Variants in RGS6 observed in about 807,000 individuals in gnomAD.
RGS6 encodes regulator of G protein signaling 6, also known as regulator of G-protein signaling 6.
Under a neutral mutation model 78.5 loss-of-function variants are expected in RGS6, and 30 were observed. That is an observed-to-expected ratio of 0.38 (90% confidence interval 0.29 to 0.52). The LOEUF is 0.52. Ranked by LOEUF, RGS6 falls within the 20% of genes least tolerant of loss-of-function variation. The pLI is 0.85. For missense variants in RGS6, 495 were observed against 609.7 expected, an observed-to-expected ratio of 0.81 and a Z score of 1.98; for synonymous variants, 206 against 206.0, an observed-to-expected ratio of 1.00 and a Z score of 0.00.
At chr14:72,171,570 C>T (rs1222482363) in intron 2 of RGS6, among the ~76,000 whole-genome samples, 1 of 152,162 alleles carries the variant, frequency 6.6e-6, no homozygotes, top group Non-Finnish European at 1.5e-5. Context: ...TGAGGGTGAT[C>T]TGTGCTCAGA....
chr14:72,125,242 G>T lies in RGS6; in HGVS notation c.84+160367G>T, dbSNP rs74060644. On this transcript the variant is annotated intron_variant, in intron 2 of 17. Coordinates refer to ENST00000553525, the MANE Select transcript of RGS6 (RefSeq NM_001204424.2). ...AGGAGATTTTACCACCTATCCAGGT[G>T]CCCTGGCTGGGTGAAAACTGTGCAT... Among the ~76,000 whole-genome samples the T allele has an allele frequency of 9.2e-3, 1,407 of 152,248 alleles. 19 individuals are homozygous for T. Among genetic ancestry groups the T allele is most frequent in the African/African-American group, 0.032 (1,316 of 41,548 alleles).
intron 1 of RGS6, among the ~76,000 whole-genome samples, chr14:71,953,186 G>A (rs1261750779): frequency 6.6e-6 from 1 of 152,156 alleles, no homozygotes; most frequent in East Asian, 1.9e-4. Context: ...CTAACCAGGA[G>A]GGTGGCATTA....
intron 2 of RGS6, among the ~76,000 whole-genome samples, chr14:72,253,246 TC>T (rs1387133516): frequency 7.9e-5 from 12 of 152,234 alleles, no homozygotes; most frequent in Non-Finnish European, 8.8e-5. Flanking sequence ...TAGGAAATAG[TC>T]CTTCAGCCTG....
At chr14:71,981,925 A>G (rs1367812968) in intron 2 of RGS6, among the ~76,000 whole-genome samples, 1 of 150,762 alleles carries the variant, frequency 6.6e-6, no homozygotes, top group Non-Finnish European at 1.5e-5. Context: ...CTGCTGTGCT[A>G]GCCATCAGCG....
At chr14:72,629,637 G>A in the RGS6 span, 1 of 1,535,946 alleles carries the variant, frequency 6.5e-7, no homozygotes, top group Non-Finnish European at 8.7e-7. Flanking sequence ...ATTCTCTGAG[G>A]TCCCACAGAG....
chr14:72,434,767 G>A (rs764374701), intron 3 of RGS6, among the ~76,000 whole-genome samples: 1 of 152,144 alleles, frequency 6.6e-6, no homozygotes, highest in Non-Finnish European at 1.5e-5. Flanking sequence ...AAATTCATAT[G>A]TTTATTTACT....
chr14:72,356,786 T>A (rs1212148244), intron 3 of RGS6, among the ~76,000 whole-genome samples: 1 of 152,230 alleles, frequency 6.6e-6, no homozygotes, highest in African/African-American at 2.4e-5. Context: ...TGCTTCCATG[T>A]GAAGACAATG....
intron 2 of RGS6, among the ~76,000 whole-genome samples, chr14:72,313,589 C>G (rs1289060356): frequency 6.6e-6 from 1 of 152,162 alleles, no homozygotes; most frequent in Non-Finnish European, 1.5e-5. Context: ...CTCTTTTGCC[C>G]CTGAAATCAG....
At chr14:72,589,245 C>T in the RGS6 span, among the ~76,000 whole-genome samples, 1 of 152,080 alleles carries the variant, frequency 6.6e-6, no homozygotes, top group Non-Finnish European at 1.5e-5. Flanking sequence ...CTGCTGGGGG[C>T]GCTTAAAATT....
chr14:72,534,517 A>G (rs191925877), intron 15 of RGS6, among the ~76,000 whole-genome samples: 2 of 152,358 alleles, frequency 1.3e-5, no homozygotes, highest in Non-Finnish European at 2.9e-5. Context: ...GTTATCACAA[A>G]TGACAGGATT....
intron 2 of RGS6, among the ~76,000 whole-genome samples, chr14:72,260,313 T>A (rs2057911566): frequency 6.6e-6 from 1 of 152,228 alleles, no homozygotes; most frequent in Non-Finnish European, 1.5e-5. Flanking sequence ...AAATGTAATT[T>A]GCAATGAAGA....
At chr14:72,211,709 G>A (rs1002387001) in intron 2 of RGS6, among the ~76,000 whole-genome samples, 7 of 152,064 alleles carry the variant, frequency 4.6e-5, no homozygotes, top group African/African-American at 1.7e-4. Flanking sequence ...CTTGGGATAC[G>A]AAGTTCAACT....
At chr14:72,220,115 A>G (rs1193958320) in intron 2 of RGS6, among the ~76,000 whole-genome samples, 1 of 152,234 alleles carries the variant, frequency 6.6e-6, no homozygotes, top group Non-Finnish European at 1.5e-5. Flanking sequence ...AAAATCAAGA[A>G]TGCAATCCCA....
At chr14:72,558,391 A>G (rs531215695) in intron 17 of RGS6, among the ~76,000 whole-genome samples, 6 of 152,278 alleles carry the variant, frequency 3.9e-5, no homozygotes, top group African/African-American at 1.4e-4. Flanking sequence ...TCTGAGCCAC[A>G]GCCCTCCTCC....
At chr14:72,073,491 G>T (rs750481135) in intron 2 of RGS6, among the ~76,000 whole-genome samples, 4 of 152,110 alleles carry the variant, frequency 2.6e-5, no homozygotes, top group Non-Finnish European at 5.9e-5. Context: ...CAGAATAGTG[G>T]GTGGTCCGAG....
At chr14:72,575,133 T>A in the RGS6 span, among the ~76,000 whole-genome samples, 1 of 152,038 alleles carries the variant, frequency 6.6e-6, no homozygotes, top group Non-Finnish European at 1.5e-5. Context: ...TCTGGAAATA[T>A]AGGCTGTAAG....
intron 2 of RGS6, among the ~76,000 whole-genome samples, chr14:72,183,074 A>G (rs1369400128): frequency 6.6e-6 from 1 of 152,208 alleles, no homozygotes; most frequent in African/African-American, 2.4e-5. Flanking sequence ...GACTTTTGAA[A>G]TACATTCTTC....
chr14:72,346,548 C>A (rs191639133), intron 2 of RGS6, among the ~76,000 whole-genome samples: 1 of 152,328 alleles, frequency 6.6e-6, no homozygotes, highest in Admixed American at 6.5e-5. Context: ...GTAAGACAGA[C>A]AACATGGAGA....
chr14:72,325,336 G>A (rs1595826289), intron 2 of RGS6, among the ~76,000 whole-genome samples: 1 of 152,224 alleles, frequency 6.6e-6, no homozygotes, highest in East Asian at 1.9e-4. Flanking sequence ...TTCTTTTACT[G>A]TGCAGAAGCT....
Sources: allele counts gnomAD v4.1 joint callset (sites outside exome capture counted in the v4.1 genomes callset), GRCh38; gene constraint gnomAD v4.1.1; transcripts MANE v1.5; gene names NCBI Gene and HGNC (gene_info 2026-07-23, HGNC 2026-07-21).